BICDL1: variants seen among roughly 807,000 people sequenced by gnomAD.
BICDL1 encodes the protein BICD family-like cargo adapter 1.
A neutral mutation model predicts 76.8 loss-of-function variants in BICDL1; 20 were observed. The observed-to-expected ratio is 0.26, with a 90% CI of 0.18 to 0.38. The LOEUF is 0.38. BICDL1 is among the 10% of genes least tolerant of loss of function. The pLI is 1.00. For synonymous variants in BICDL1, 383 were observed against 337.1 expected, an observed-to-expected ratio of 1.14 and a Z score of -1.49; for missense variants, 700 against 798.6, an observed-to-expected ratio of 0.88 and a Z score of 1.49.
At chr12:119,990,995 A>G (rs1951510530) in intron 1 of BICDL1, among the ~76,000 whole-genome samples, 1 of 152,154 alleles carries the variant, frequency 6.6e-6, no homozygotes, top group African/African-American at 2.4e-5. Context: ...TATTACTTTA[A>G]CTTCTGTTAT....
Position 119,990,071 on chromosome 12 carries a change from G to T in BICDL1, c.203G>T (p.Arg68Leu). ...CTGGCGCTGCTGGCGGCCGGGGAGCGGCCGTCCGACCCCGGGGAACACCCT... is the reference window on the plus strand; with the variant it reads ...CTGGCGCTGCTGGCGGCCGGGGAGCTGCCGTCCGACCCCGGGGAACACCCT... Reference protein sequence around the residue: ...EELALLAAGERPSDPGEHPQA... With the variant: ...EELALLAAGELPSDPGEHPQA... Residue 68 changes from arginine (R) to leucine (L), a missense_variant, in exon 1 of 10, where the codon CGG (arginine) becomes CTG (leucine). Physicochemically the swap from Arg to Leu is moderately radical, Grantham distance 102 (BLOSUM62 -2). This residue lies in a region of BICDL1 where 225 missense variants were observed against 199.6 expected (regional missense o/e 1.13). Transcript: ENST00000548673. 6.5e-7 allele frequency: 1 copy of T among 1,536,152 alleles called. No individual in the cohort carries two copies. The highest frequency in any genetic ancestry group is 1.4e-5 in the African/African-American group (1 of 72,060).
At chr12:120,003,315 CTCTA>C (rs1287695296) in intron 2 of BICDL1, among the ~76,000 whole-genome samples, 2 of 152,186 alleles carry the variant, frequency 1.3e-5, no homozygotes, top group South Asian at 2.1e-4. Context: ...AGAGCAGGGA[CTCTA>C]TCTGTCTTGT....
In BICDL1 at chr12:120,074,425, T is replaced by G. The variant is rs754283668; in HGVS notation, c.1309-18T>G. ...TACCCTTACCATATCTGTCTGGCTG[T>G]CTTTCTTTTACTGTCAGGGCTCCCG... On this transcript the variant is annotated intron_variant, in intron 6 of 9. Coordinates refer to ENST00000548673, the MANE Select transcript of BICDL1 (RefSeq NM_001367886.1). The G allele has an allele frequency of 1.7e-6, 2 of 1,179,440 alleles. No individual in the cohort carries two copies. Among genetic ancestry groups the G allele is most frequent in the Non-Finnish European group, 2.1e-6 (2 of 934,256 alleles). 73.1% of individuals were successfully genotyped at this position (1,179,440 alleles called of 1,614,324 possible).
chr12:120,023,320 A>C (rs1952220587), intron 2 of BICDL1, among the ~76,000 whole-genome samples: 2 of 152,220 alleles, frequency 1.3e-5, no homozygotes, highest in African/African-American at 4.8e-5. Context: ...TTGCATCTAA[A>C]CAGTACTTCT....
At chr12:120,021,931 A>G (rs1297578149) in intron 2 of BICDL1, among the ~76,000 whole-genome samples, 1 of 149,460 alleles carries the variant, frequency 6.7e-6, no homozygotes, top group Non-Finnish European at 1.5e-5. Flanking sequence ...AATAAAATAA[A>G]TAAAAAAATA....
intron 2 of BICDL1, among the ~76,000 whole-genome samples, chr12:120,060,075 C>T (rs1036858560): frequency 3.9e-5 from 6 of 152,178 alleles, no homozygotes; most frequent in Non-Finnish European, 7.3e-5. Context: ...CCTTCAGTTT[C>T]CTGAGCCGAT....
In BICDL1 at chr12:120,001,464, T is replaced by G. The variant is rs149446726; in HGVS notation, c.645+2728T>G. On this transcript the variant is annotated intron_variant, in intron 2 of 9. Transcript: ENST00000548673. ...GGTTTTACTGTGTTAGCCAGGATGG[T>G]CTCGATCTCCTGACCTTGTGATCTG... Among the ~76,000 whole-genome samples, 1,489 of 152,260 alleles carry G rather than the reference T, an allele frequency of 9.8e-3. 25 individuals are homozygous for G. Among genetic ancestry groups the G allele is most frequent in the African/African-American group, 0.033 (1,388 of 41,544 alleles).
intron 2 of BICDL1, among the ~76,000 whole-genome samples, chr12:120,051,972 G>A (rs1952868744): frequency 2.0e-5 from 3 of 151,930 alleles, no homozygotes; most frequent in East Asian, 1.9e-4. Flanking sequence ...ACAGAGTCTC[G>A]CTGTGTTTCC....
At chr12:120,062,718 C>T (rs118024223) in intron 3 of BICDL1, among the ~76,000 whole-genome samples, 4 of 152,282 alleles carry the variant, frequency 2.6e-5, no homozygotes, top group Admixed American at 2.6e-4. Flanking sequence ...CTTCCTTCCC[C>T]CTTTCCCTTG....
chr12:119,990,265 C>T lies in BICDL1; in HGVS notation c.397C>T (p.Gln133Ter). 6.3e-7 allele frequency: 1 copy of T among 1,575,820 alleles called. No homozygotes were observed. Among genetic ancestry groups the T allele is most frequent in the Non-Finnish European group, 8.6e-7 (1 of 1,161,514 alleles). The change falls in exon 1 of 10, where the codon CAG becomes TAG. Residue 133 changes from glutamine (Q) to a stop codon, truncating the protein, a stop_gained. Coordinates refer to ENST00000548673, the MANE Select transcript of BICDL1 (RefSeq NM_001367886.1). LOFTEE classifies it high-confidence loss of function. ...CCAGGACATGAGCCGGCAGTACGAGCAGATGCATAAGGAGCTGACAGACAA... is the reference window on the plus strand; with the variant it reads ...CCAGGACATGAGCCGGCAGTACGAGTAGATGCATAAGGAGCTGACAGACAA... Reference protein sequence around the residue: ...RNQDMSRQYEQMHKELTDKLE... With the variant: ...RNQDMSRQYE
intron 2 of BICDL1, among the ~76,000 whole-genome samples, chr12:120,026,676 G>C (rs1952309895): frequency 6.6e-6 from 1 of 152,254 alleles, no homozygotes; most frequent in Non-Finnish European, 1.5e-5. Context: ...GTGGCAAGAA[G>C]GACCATTGCC....
intron 2 of BICDL1, among the ~76,000 whole-genome samples, chr12:120,056,043 G>T (rs1039216604): frequency 6.6e-6 from 1 of 152,072 alleles, no homozygotes; most frequent in East Asian, 1.9e-4. Flanking sequence ...AGTTAAATTA[G>T]AATAAGGTAG....
At chr12:120,038,929 T>G (rs1185934002) in intron 2 of BICDL1, among the ~76,000 whole-genome samples, 1 of 152,150 alleles carries the variant, frequency 6.6e-6, no homozygotes, top group Non-Finnish European at 1.5e-5. Context: ...TCCACTTGCA[T>G]CTAGAGAACC....
At position 119,998,514 on chromosome 12, in the gene BICDL1, C is replaced by A; in HGVS notation, c.430-7C>A. ...TCAGTGTTTAAATCCCTTCACTTTT[C>A]ACCCAGCACTTAGAGCAAGAGAAAC... On this transcript the variant is annotated splice_region_variant and splice_polypyrimidine_tract_variant and intron_variant, in intron 1 of 9. Coordinates refer to ENST00000548673, the MANE Select transcript of BICDL1 (RefSeq NM_001367886.1). The A allele has an allele frequency of 6.3e-7, 1 of 1,588,982 alleles. No individual in the cohort carries two copies. Among genetic ancestry groups the A allele is most frequent in the Non-Finnish European group, 8.6e-7 (1 of 1,169,280 alleles).
intron 3 of BICDL1, among the ~76,000 whole-genome samples, chr12:120,064,422 G>T (rs1403286291): frequency 2.0e-5 from 3 of 152,018 alleles, no homozygotes; most frequent in Non-Finnish European, 4.4e-5. Flanking sequence ...GGCAGGCAAG[G>T]TGGAGCCCTT....
intron 2 of BICDL1, among the ~76,000 whole-genome samples, chr12:120,037,961 A>G (rs953656955): frequency 3.3e-5 from 5 of 152,232 alleles, no homozygotes; most frequent in African/African-American, 7.2e-5. Flanking sequence ...CTAGAGAAAC[A>G]AGAAAACAGA....
chr12:120,006,492 TAAAC>T (rs753997172), intron 2 of BICDL1, among the ~76,000 whole-genome samples: 4 of 152,114 alleles, frequency 2.6e-5, no homozygotes, highest in Non-Finnish European at 5.9e-5. Context: ...AGGAAATACA[TAAAC>T]AGACAAATCA....
intron 2 of BICDL1, among the ~76,000 whole-genome samples, chr12:120,010,312 A>C (rs1356460779): frequency 1.3e-5 from 2 of 152,262 alleles, no homozygotes; most frequent in Non-Finnish European, 2.9e-5. Context: ...ATACTGAGTA[A>C]GATTGCCACC....
At chr12:120,014,866 G>T (rs1952028807) in intron 2 of BICDL1, among the ~76,000 whole-genome samples, 1 of 151,868 alleles carries the variant, frequency 6.6e-6, no homozygotes, top group African/African-American at 2.4e-5. Context: ...TTATTTGTAT[G>T]TCATGTTACT....
Sources: allele counts gnomAD v4.1 joint callset (sites outside exome capture counted in the v4.1 genomes callset), GRCh38; gene constraint gnomAD v4.1.1; regional missense constraint gnomAD v4.1.1; transcripts MANE v1.5; gene names NCBI Gene and HGNC (gene_info 2026-07-23, HGNC 2026-07-21).